The following PDE11A variants were observed in gnomAD, a reference collection of about 807,000 sequenced individuals.
PDE11A encodes dual 3',5'-cyclic-AMP and -GMP phosphodiesterase 11A.
Under a neutral mutation model 100.5 loss-of-function variants are expected in PDE11A, and 100 were observed. The observed-to-expected ratio is 1.00, with a 90% CI of 0.85 to 1.18. The LOEUF (loss-of-function observed/expected upper bound fraction) is 1.18, where lower values mean the gene tolerates loss of function less well. Among genes scored for constraint, PDE11A ranks in the 50% most tolerant of loss-of-function variants. The pLI, the probability that PDE11A is intolerant of heterozygous loss-of-function variation, is 0.00. For missense variants in PDE11A, 1,141 were observed against 1,152.6 expected, an observed-to-expected ratio of 0.99 and a Z score of 0.15; for synonymous variants, 381 against 420.8, an observed-to-expected ratio of 0.91 and a Z score of 1.16.
chr2:177,746,998 G>T (rs1342921658), intron 10 of PDE11A, among the ~76,000 whole-genome samples: 1 of 152,190 alleles, frequency 6.6e-6, no homozygotes, highest in Non-Finnish European at 1.5e-5. Context: ...TGAGGATAGA[G>T]GCAGGGTATG....
chr2:177,935,504 C>G (rs2085261358), intron 2 of PDE11A, among the ~76,000 whole-genome samples: 1 of 152,188 alleles, frequency 6.6e-6, no homozygotes, highest in South Asian at 2.1e-4. Context: ...CCCCTTAGTG[C>G]AAAGTTGTAT....
intron 1 of PDE11A, among the ~76,000 whole-genome samples, chr2:178,039,294 T>G (rs941406937): frequency 3.9e-5 from 6 of 152,116 alleles, no homozygotes; most frequent in Non-Finnish European, 7.4e-5. Context: ...AACCAAATAC[T>G]GCATGTTCTC....
chr2:177,711,972 C>A, intron 12 of PDE11A, 94 bp from the exon 13 acceptor site: 1 of 699,358 alleles, frequency 1.4e-6, no homozygotes, highest in Non-Finnish European at 2.6e-6. Context: ...GTTTTCATAC[C>A]CACATCATTT....
intron 5 of PDE11A, among the ~76,000 whole-genome samples, chr2:177,844,395 C>T (rs2083545091): frequency 6.6e-6 from 1 of 152,018 alleles, no homozygotes; most frequent in Admixed American, 6.6e-5. Flanking sequence ...CTCCTAAAGG[C>T]CCACCCCTTC....
At chr2:177,752,874 C>T (rs1484890626) in intron 10 of PDE11A, among the ~76,000 whole-genome samples, 1 of 152,202 alleles carries the variant, frequency 6.6e-6, no homozygotes, top group African/African-American at 2.4e-5. Context: ...AATTAACATG[C>T]ATGTAATAGT....
At position 177,674,060 on chromosome 2, in the gene PDE11A, T is replaced by C. The variant is rs148566755; in HGVS notation, c.2487+1395A>G. 9.8e-4 allele frequency among the ~76,000 whole-genome samples: 149 copies of C among 152,274 alleles called. 2 individuals are homozygous for C. The highest frequency in any genetic ancestry group is 3.5e-3 in the African/African-American group (146 of 41,558). The stretch of plus-strand genomic sequence containing the variant: ...AACATAGCCTATTCTGTGGATACGC[T>C]TGCATCATTTAAAAATGCTGACTGA... On this transcript the variant is annotated intron_variant, in intron 17 of 19. Coordinates refer to ENST00000286063, the MANE Select transcript of PDE11A (RefSeq NM_016953.4).
chr2:178,034,179 A>C (rs539834657), intron 1 of PDE11A, among the ~76,000 whole-genome samples: 2 of 150,842 alleles, frequency 1.3e-5, no homozygotes, highest in Admixed American at 6.6e-5. Context: ...ACATAGGGTC[A>C]AAAAAAAAGG....
intron 2 of PDE11A, among the ~76,000 whole-genome samples, chr2:177,956,055 A>T (rs933706826): frequency 6.6e-6 from 1 of 152,148 alleles, no homozygotes; most frequent in Non-Finnish European, 1.5e-5. Flanking sequence ...CAAAATTGAC[A>T]AATGGGATCT....
chr2:177,895,527 C>T (rs192209422), intron 4 of PDE11A, among the ~76,000 whole-genome samples: 239 of 150,138 alleles, frequency 1.6e-3, no homozygotes, highest in Non-Finnish European at 3.0e-3. Flanking sequence ...GCACTCCAGC[C>T]TGGGGGACAG....
chr2:177,897,171 T>C (rs2084624698), intron 4 of PDE11A, among the ~76,000 whole-genome samples: 3 of 152,154 alleles, frequency 2.0e-5, no homozygotes, highest in Admixed American at 2.0e-4. Flanking sequence ...TGCTACACAA[T>C]TCCCGATCTT....
intron 2 of PDE11A, among the ~76,000 whole-genome samples, chr2:177,914,198 A>G (rs986830197): frequency 1.3e-5 from 2 of 152,126 alleles, no homozygotes; most frequent in African/African-American, 4.8e-5. Flanking sequence ...TTTATTTTTT[A>G]GTGGACATTC....
At chr2:177,890,178 C>A (rs941004514) in intron 4 of PDE11A, among the ~76,000 whole-genome samples, 1 of 152,130 alleles carries the variant, frequency 6.6e-6, no homozygotes, top group Non-Finnish European at 1.5e-5. Flanking sequence ...AATGAATTAG[C>A]CTTCAAATAT....
chr2:177,958,761 C>T (rs2085595849), intron 2 of PDE11A, among the ~76,000 whole-genome samples: 1 of 152,118 alleles, frequency 6.6e-6, no homozygotes, highest in Non-Finnish European at 1.5e-5. Flanking sequence ...CCTGCCTCTC[C>T]ATATAATTCC....
chr2:177,945,503 C>G (rs145479611), intron 2 of PDE11A, among the ~76,000 whole-genome samples: 1 of 146,188 alleles, frequency 6.8e-6, no homozygotes, highest in Non-Finnish European at 1.5e-5. Flanking sequence ...GGCCTCTGCC[C>G]GGCCGAGACC....
intron 2 of PDE11A, chr2:177,922,569 A>C: frequency 2.4e-6 from 1 of 413,964 alleles, no homozygotes; most frequent in Non-Finnish European, 3.3e-6. Flanking sequence ...CAAAGGGCTG[A>C]ACCCAAAAAC....
At position 178,051,422 on chromosome 2, in the gene PDE11A, T is replaced by C. The variant is rs531075756; in HGVS notation, c.912+20104A>G. Among the ~76,000 whole-genome samples the C allele has an allele frequency of 5.4e-4, 82 of 152,262 alleles. 1 individual carries two copies. In the South Asian group the frequency reaches 7.3e-3, roughly 13 times the overall value. ...AAAATATGCCAAATTATAAAGACCA[T>C]CGATGCTAGGAAGAAACTGCATCAA... On this transcript the variant is annotated intron_variant, in intron 1 of 19. Transcript: ENST00000286063.
intron 2 of PDE11A, among the ~76,000 whole-genome samples, chr2:177,966,090 T>C (rs994203152): frequency 6.6e-6 from 1 of 152,198 alleles, no homozygotes; most frequent in African/African-American, 2.4e-5. Context: ...ACAGCTGTAT[T>C]CCTAGGTGTT....
At chr2:178,000,430 A>C (rs2117739) in intron 2 of PDE11A, among the ~76,000 whole-genome samples, 144,281 of 152,244 alleles carry the variant, frequency 0.95, 68,852 homozygotes, top group East Asian at 1. Context: ...TATACTGGAA[A>C]ACCTCACTTT....
intron 2 of PDE11A, among the ~76,000 whole-genome samples, chr2:178,004,982 C>G (rs1309924859): frequency 6.6e-6 from 1 of 152,080 alleles, no homozygotes; most frequent in Non-Finnish European, 1.5e-5. Context: ...ACAATACTTT[C>G]TTGAACTTCA....
Sources: gnomAD v4.1 joint callset for allele counts (sites outside exome capture counted in the v4.1 genomes callset) on GRCh38, gnomAD v4.1.1 for gene constraint, MANE v1.5 for transcripts, NCBI Gene and HGNC (gene_info 2026-07-23, HGNC 2026-07-21) for gene names.